DMXL1: variants seen among roughly 807,000 people sequenced by gnomAD.
DMXL1 encodes the protein dmX-like protein 1.
In DMXL1, 99 loss-of-function variants were observed where a neutral mutation model predicts 319.2. The ratio of observed to expected loss-of-function variants is 0.31; its 90% CI spans 0.26 to 0.37. The LOEUF is 0.37. DMXL1 is among the 10% of genes least tolerant of loss of function. The probability of loss-of-function intolerance (pLI) is 1.00; values close to 1 mark genes in which losing one functional copy is unlikely to be tolerated. For synonymous variants in DMXL1, 1,385 were observed against 1,235.2 expected, an observed-to-expected ratio of 1.12 and a Z score of -2.54; for missense variants, 3,745 against 3,595.6, an observed-to-expected ratio of 1.04 and a Z score of -1.06.
chr5:119,073,268 C>T (rs780342343), intron 1 of DMXL1, among the ~76,000 whole-genome samples: 2 of 152,152 alleles, frequency 1.3e-5, no homozygotes, highest in Non-Finnish European at 2.9e-5. Context: ...CCTTATGTTG[C>T]CCAGGCTGGT....
At chr5:119,231,030 T>C (rs944569836) in intron 38 of DMXL1, among the ~76,000 whole-genome samples, 18 of 152,224 alleles carry the variant, frequency 1.2e-4, no homozygotes, top group Admixed American at 1.2e-3. Flanking sequence ...GTAAAGACTC[T>C]TTTAGAGAGA....
intron 33 of DMXL1, among the ~76,000 whole-genome samples, chr5:119,204,706 T>C (rs1182568508): frequency 6.6e-6 from 1 of 152,182 alleles, no homozygotes; most frequent in East Asian, 1.9e-4. Context: ...GTCAATTCTT[T>C]TTGTCTCCTG....
At chr5:119,243,047 GA>G (rs1289389327) in intron 42 of DMXL1, among the ~76,000 whole-genome samples, 3 of 152,268 alleles carry the variant, frequency 2.0e-5, no homozygotes, top group African/African-American at 7.2e-5. Context: ...TTTTGTTGGG[GA>G]GGAGAATTGA....
At chr5:119,175,650 C>T (rs906329657) in intron 26 of DMXL1, among the ~76,000 whole-genome samples, 1 of 151,936 alleles carries the variant, frequency 6.6e-6, no homozygotes, top group African/African-American at 2.4e-5. Flanking sequence ...TAGTTAGAGA[C>T]AAACATGTGA....
intron 25 of DMXL1, 49 bp downstream of exon 25, chr5:119,172,018 A>G (rs1269468057): frequency 3.4e-6 from 5 of 1,476,966 alleles, no homozygotes; most frequent in African/African-American, 1.4e-5. Context: ...CAATGATAAA[A>G]CTACAAGATA....
intron 9 of DMXL1, among the ~76,000 whole-genome samples, chr5:119,125,497 T>C (rs1044634930): frequency 6.6e-6 from 1 of 152,226 alleles, no homozygotes; most frequent in Admixed American, 6.5e-5. Context: ...AATGAATTAC[T>C]AATGAGATTC....
intron 28 of DMXL1, among the ~76,000 whole-genome samples, chr5:119,180,381 A>G (rs1172960478): frequency 1.3e-5 from 2 of 152,024 alleles, no homozygotes; most frequent in Non-Finnish European, 2.9e-5. Context: ...AAAATGTAGA[A>G]TCCTAACATG....
chr5:119,089,495 A>G (rs1450157362), intron 1 of DMXL1, among the ~76,000 whole-genome samples: 1 of 149,354 alleles, frequency 6.7e-6, no homozygotes, highest in East Asian at 2.0e-4. Context: ...TTTAGTAGAG[A>G]TGGGGTTTTG....
intron 28 of DMXL1, among the ~76,000 whole-genome samples, chr5:119,179,846 G>C (rs1776485013): frequency 6.6e-6 from 1 of 152,062 alleles, no homozygotes; most frequent in African/African-American, 2.4e-5. Flanking sequence ...AAACAGGCAG[G>C]AATTTCTTTA....
rs553467938 is a variant in DMXL1 at position 119,193,830 on chromosome 5, T to A, written c.7317T>A (p.Pro2439=). The A allele has an allele frequency of 6.2e-7, 1 of 1,611,158 alleles. No individual in the cohort carries two copies. Among genetic ancestry groups the A allele is most frequent in the African/African-American group, 1.3e-5 (1 of 74,926 alleles). The change falls in exon 30 of 44, where the codon CCT becomes CCA. Residue 2439 remains proline (P), a splice_region_variant and synonymous_variant. Transcript: ENST00000539542. The part of the protein sequence containing the change: ...LSIWDYFIAK[P]FLPSSQSRAE... ...ATTTCATGATTTCTTTATTTTAGCCTTTTCTACCCTCTTCTCAAAGTAGAG... is the reference window on the plus strand; with the variant it reads ...ATTTCATGATTTCTTTATTTTAGCCATTTCTACCCTCTTCTCAAAGTAGAG...
At chr5:119,187,178 C>T (rs553404625) in intron 28 of DMXL1, among the ~76,000 whole-genome samples, 1 of 152,148 alleles carries the variant, frequency 6.6e-6, no homozygotes, top group East Asian at 1.9e-4. Flanking sequence ...AGTTTTTCTT[C>T]AGCCACTTTG....
chr5:119,167,504 A>G (rs1773672153), intron 22 of DMXL1, 99 bp from the exon 23 acceptor site: 1 of 983,066 alleles, frequency 1.0e-6, no homozygotes, highest in Non-Finnish European at 1.5e-6. Flanking sequence ...TTGGATATTT[A>G]TAAGCCTTTA....
chr5:119,144,449 C>A, intron 14 of DMXL1, 87 bp from the exon 15 acceptor site: 1 of 956,300 alleles, frequency 1.0e-6, no homozygotes, highest in Non-Finnish European at 1.6e-6. Flanking sequence ...CTTTAAATAT[C>A]TCATTATGAA....
intron 1 of DMXL1, among the ~76,000 whole-genome samples, chr5:119,076,113 C>T (rs1750801064): frequency 6.6e-6 from 1 of 152,110 alleles, no homozygotes; most frequent in South Asian, 2.1e-4. Flanking sequence ...GACTAACTGT[C>T]TCTGATTTGG....
intron 43 of DMXL1, 32 bp from the exon 44 acceptor site, chr5:119,246,963 C>G (rs751034618): frequency 6.6e-7 from 1 of 1,517,924 alleles, no homozygotes; most frequent in African/African-American, 1.4e-5. Flanking sequence ...ATCATCAACC[C>G]TAATTTTCCG....
At chr5:119,161,147 G>C (rs1224188020) in intron 19 of DMXL1, among the ~76,000 whole-genome samples, 1 of 152,208 alleles carries the variant, frequency 6.6e-6, no homozygotes, top group Non-Finnish European at 1.5e-5. Flanking sequence ...GGTTCAGCCT[G>C]AAATGACCCC....
Position 119,171,386 on chromosome 5 carries a change from C to T in DMXL1, c.6489+106C>T, listed in dbSNP as rs1409864450. 11 of 1,193,704 alleles carry T rather than the reference C, an allele frequency of 9.2e-6. No homozygotes were observed. In the East Asian group the frequency reaches 2.7e-4, roughly 29 times the overall value. The allele number at this position is 1,193,704 out of a possible 1,614,324, so 73.9% of individuals were successfully genotyped here. A position where few individuals can be genotyped will look rare whatever the true frequency, so the allele number is the denominator to read the frequency against. ...GACTTGATTTTCTTTATTACGGTTG[C>T]TTTAGGGAAAGCTCCCTTTTGTGTG... On this transcript the variant is annotated intron_variant, in intron 24 of 43. Coordinates refer to ENST00000539542, the MANE Select transcript of DMXL1 (RefSeq NM_001290321.3).
intron 10 of DMXL1, chr5:119,132,838 A>G: frequency 1.8e-6 from 1 of 559,382 alleles, no homozygotes; most frequent in Non-Finnish European, 3.4e-6. Context: ...TTGAAAGTCC[A>G]AGTTTTCTCC....
intron 4 of DMXL1, among the ~76,000 whole-genome samples, chr5:119,106,436 C>T (rs928035386): frequency 6.6e-6 from 1 of 151,728 alleles, no homozygotes; most frequent in African/African-American, 2.4e-5. Flanking sequence ...TACCATTCTA[C>T]GAAAGTGAGG....
Sources: gnomAD v4.1 joint callset for allele counts (sites outside exome capture counted in the v4.1 genomes callset) on GRCh38, gnomAD v4.1.1 for gene constraint, MANE v1.5 for transcripts, NCBI Gene and HGNC (gene_info 2026-07-23, HGNC 2026-07-21) for gene names.